Variants in GALNT13 observed in about 807,000 individuals in gnomAD.
The protein encoded by GALNT13 is UDP-GalNAc:polypeptide N-acetylgalactosaminyltransferase 13.
Under a neutral mutation model 64.2 loss-of-function variants are expected in GALNT13, and 28 were observed. The ratio of observed to expected loss-of-function variants is 0.44; its 90% CI spans 0.32 to 0.60. GALNT13 has a LOEUF of 0.60. Ranked by LOEUF, GALNT13 falls within the 20% of genes least tolerant of loss-of-function variation. GALNT13 has a pLI of 0.05. For missense variants in GALNT13, 577 were observed against 669.8 expected (o/e 0.86, Z 1.53); for synonymous variants, 214 against 224.6 (o/e 0.95, Z 0.42).
intron 2 of GALNT13, among the ~76,000 whole-genome samples, chr2:153,904,488 A>C (rs1186511447): frequency 6.6e-6 from 1 of 151,906 alleles, no homozygotes; most frequent in Non-Finnish European, 1.5e-5. Flanking sequence ...ACCAAAGATT[A>C]GTATAATCAT....
intron 3 of GALNT13, among the ~76,000 whole-genome samples, chr2:153,957,551 T>A (rs996716426): frequency 2.0e-5 from 3 of 152,166 alleles, no homozygotes; most frequent in African/African-American, 7.2e-5. Context: ...TTCTCTCTCT[T>A]ACCAGGGACA....
At chr2:153,367,189 A>C in the GALNT13 span, among the ~76,000 whole-genome samples, 1 of 152,126 alleles carries the variant, frequency 6.6e-6, no homozygotes, top group Non-Finnish European at 1.5e-5. Flanking sequence ...ATTGTTCCAA[A>C]GGATAACTAT....
intron 4 of GALNT13, among the ~76,000 whole-genome samples, chr2:154,204,148 G>A (rs1207578426): frequency 2.0e-5 from 3 of 151,960 alleles, no homozygotes; most frequent in Non-Finnish European, 2.9e-5. Context: ...ATTTTATCCT[G>A]GACTGCCTCC....
At chr2:153,219,797 T>G in the GALNT13 span, among the ~76,000 whole-genome samples, 1 of 152,196 alleles carries the variant, frequency 6.6e-6, no homozygotes. Context: ...GTGTGGGAAA[T>G]TTCATCCTTT....
the GALNT13 span, among the ~76,000 whole-genome samples, chr2:153,735,446 A>T: frequency 1.1e-4 from 17 of 152,232 alleles, no homozygotes; most frequent in East Asian, 7.8e-4. Flanking sequence ...ACTGAAAAAA[A>T]TTGTAAATAT....
At chr2:153,302,656 G>A in the GALNT13 span, among the ~76,000 whole-genome samples, 80 of 152,128 alleles carry the variant, frequency 5.3e-4, no homozygotes, top group African/African-American at 1.9e-3. Context: ...AAATTTTCCC[G>A]TGTTTTCTTC....
the GALNT13 span, among the ~76,000 whole-genome samples, chr2:153,376,727 C>T: frequency 6.6e-6 from 1 of 151,994 alleles, no homozygotes; most frequent in Non-Finnish European, 1.5e-5. Context: ...ATTTGAGAAG[C>T]CTATGGAATA....
the GALNT13 span, among the ~76,000 whole-genome samples, chr2:153,480,285 T>TA: frequency 6.6e-6 from 1 of 152,198 alleles, no homozygotes; most frequent in South Asian, 2.1e-4. Context: ...ATCTTCAGAG[T>TA]GTTCCTTAAA....
In GALNT13 at chr2:154,295,811, C is replaced by G. The variant is rs1692890095; in HGVS notation, c.976-5598C>G. On this transcript the variant is annotated intron_variant, in intron 8 of 12. Transcript: ENST00000392825. ...GGCAGGGGTTTGTGGGTTGCCTTCC[C>G]CAATGGGTAGGGTGAAATGGGAAGG... Among the ~76,000 whole-genome samples, 2 of 152,116 alleles carry G rather than the reference C, an allele frequency of 1.3e-5. 1 individual carries two copies. The highest frequency in any genetic ancestry group is 4.8e-5 in the African/African-American group (2 of 41,432).
chr2:154,152,218 G>C (rs1468644112), intron 4 of GALNT13, among the ~76,000 whole-genome samples: 1 of 152,084 alleles, frequency 6.6e-6, no homozygotes, highest in East Asian at 1.9e-4. Flanking sequence ...ATGAAATTCT[G>C]GGTTGAAAAT....
the GALNT13 span, among the ~76,000 whole-genome samples, chr2:153,077,631 A>G: frequency 6.6e-6 from 1 of 152,218 alleles, no homozygotes; most frequent in Non-Finnish European, 1.5e-5. Context: ...GACCATTTAC[A>G]GCATTTATCA....
chr2:153,893,740 A>G (rs551391517), intron 1 of GALNT13, among the ~76,000 whole-genome samples: 72 of 152,224 alleles, frequency 4.7e-4, no homozygotes, highest in African/African-American at 1.7e-3. Context: ...TGGACAAGCC[A>G]TAATTTACTT....
At chr2:153,621,620 T>G in the GALNT13 span, among the ~76,000 whole-genome samples, 1 of 152,114 alleles carries the variant, frequency 6.6e-6, no homozygotes, top group Non-Finnish European at 1.5e-5. Flanking sequence ...TAAGTCTATT[T>G]GGTATTCTGT....
At chr2:154,329,574 T>C (rs972614400) in intron 9 of GALNT13, among the ~76,000 whole-genome samples, 7 of 152,186 alleles carry the variant, frequency 4.6e-5, no homozygotes, top group Non-Finnish European at 8.8e-5. Context: ...GAATTTCTTA[T>C]ACTGCAACCC....
At chr2:153,647,955 T>C in the GALNT13 span, among the ~76,000 whole-genome samples, 1 of 152,214 alleles carries the variant, frequency 6.6e-6, no homozygotes, top group Non-Finnish European at 1.5e-5. Context: ...GTGGGCTCTT[T>C]TTTGGTTCCA....
chr2:153,836,678 C>T, the GALNT13 span, among the ~76,000 whole-genome samples: 4 of 145,254 alleles, frequency 2.8e-5, no homozygotes, highest in African/African-American at 1.0e-4. Context: ...CCACAACGGT[C>T]CCCAGAGTGT....
At chr2:153,940,828 G>A (rs1691291283) in intron 2 of GALNT13, among the ~76,000 whole-genome samples, 1 of 152,064 alleles carries the variant, frequency 6.6e-6, no homozygotes. Flanking sequence ...TCAGAAAATA[G>A]ACTGAAAACA....
the GALNT13 span, among the ~76,000 whole-genome samples, chr2:153,504,542 C>T: frequency 6.6e-6 from 1 of 152,022 alleles, no homozygotes. Flanking sequence ...GGTTTTATTA[C>T]CTTAAGGTAT....
the GALNT13 span, among the ~76,000 whole-genome samples, chr2:153,827,541 G>A: frequency 6.6e-6 from 1 of 151,626 alleles, no homozygotes; most frequent in South Asian, 2.1e-4. Context: ...GGGGAGAATG[G>A]CATGAACCCG....
Sources: allele counts gnomAD v4.1 joint callset (sites outside exome capture counted in the v4.1 genomes callset), GRCh38; gene constraint gnomAD v4.1.1; transcripts MANE v1.5; gene names NCBI Gene and HGNC (gene_info 2026-07-23, HGNC 2026-07-21).